AFAP1L2: variants seen among roughly 807,000 people sequenced by gnomAD.
The protein encoded by AFAP1L2 is actin filament-associated protein 1-like 2.
A neutral mutation model predicts 99.3 loss-of-function variants in AFAP1L2; 46 were observed. The ratio of observed to expected loss-of-function variants is 0.46; its 90% confidence interval spans 0.37 to 0.59. The LOEUF is 0.59. Among genes scored for constraint, AFAP1L2 ranks in the 20% least tolerant of loss-of-function variants. AFAP1L2 has a pLI of 0.00. For missense variants in AFAP1L2, 959 were observed against 1,034.9 expected (o/e 0.93, Z 1.01); for synonymous variants, 397 against 419.1 (o/e 0.95, Z 0.64).
At chr10:114,300,825 GCCACTGGCTGAGTCCT>G in intron 13 of AFAP1L2, 135 bp from the exon 14 acceptor site, 1 of 1,238,302 alleles carries the variant, frequency 8.1e-7, no homozygotes, top group Non-Finnish European at 1.1e-6. Flanking sequence ...TGCTGGGGGG[GCCACTGGCTGAGTCCT>G]AGATATGTCA....
intron 1 of AFAP1L2, among the ~76,000 whole-genome samples, chr10:114,355,951 T>C (rs2051310384): frequency 1.3e-5 from 2 of 152,032 alleles, no homozygotes; most frequent in Non-Finnish European, 2.9e-5. Context: ...CTAGCCTGGG[T>C]AATAGAGTGA....
rs144663048 is a variant in AFAP1L2 at position 114,304,776 on chromosome 10, G to C, written c.1227C>G (p.Pro409=). 4 of 1,612,884 alleles carry C rather than the reference G, an allele frequency of 2.5e-6. No homozygotes were observed. The highest frequency in any genetic ancestry group is 3.4e-6 in the Non-Finnish European group (4 of 1,180,018). Residue 409 remains proline (P), a synonymous_variant, in exon 11 of 19, where the codon CCC becomes CCG. Transcript: ENST00000304129. ...VGCEVVPDPS[P]DHLYSFRILH... is the part of the protein sequence containing the mutation. ...GGATGCGGAAGGAGTAGAGGTGGTC[G>C]GGGCTGGGGTCTGGGACCACCTCGC...
chr10:114,394,396 C>T (rs1210913566), intron 1 of AFAP1L2, among the ~76,000 whole-genome samples: 1 of 152,144 alleles, frequency 6.6e-6, no homozygotes, highest in Admixed American at 6.5e-5. Context: ...ATTCAAGCCA[C>T]GGCTATTTGA....
the AFAP1L2 span, among the ~76,000 whole-genome samples, chr10:114,286,951 C>T: frequency 1.4e-4 from 22 of 152,202 alleles, no homozygotes; most frequent in Non-Finnish European, 1.5e-5. Context: ...CATACACACA[C>T]GGATGCATGT....
At chr10:114,289,589 A>G in the AFAP1L2 span, 7 of 1,394,614 alleles carry the variant, frequency 5.0e-6, no homozygotes, top group Non-Finnish European at 7.0e-6. Context: ...CTTCCCAGCT[A>G]CTGAGCACTT....
At chr10:114,313,355 T>C (rs1387312209) in intron 7 of AFAP1L2, among the ~76,000 whole-genome samples, 1 of 152,112 alleles carries the variant, frequency 6.6e-6, no homozygotes, top group Non-Finnish European at 1.5e-5. Flanking sequence ...GTGGGCCACG[T>C]GCATTCGTGG....
intron 1 of AFAP1L2, among the ~76,000 whole-genome samples, chr10:114,371,327 C>G (rs982378447): frequency 5.9e-5 from 9 of 152,098 alleles, no homozygotes; most frequent in Non-Finnish European, 1.2e-4. Flanking sequence ...GGTCACCATC[C>G]TGGAAAGAAG....
At chr10:114,286,277 C>T in the AFAP1L2 span, 612 of 1,610,374 alleles carry the variant, frequency 3.8e-4, 2 homozygotes, top group South Asian at 2.7e-3. Context: ...GGACCGGCCA[C>T]GTAGAGTGGT....
At chr10:114,289,334 G>A in the AFAP1L2 span, 2 of 1,614,260 alleles carry the variant, frequency 1.2e-6, no homozygotes, top group African/African-American at 1.3e-5. Context: ...CAGAAGCTGA[G>A]GAACAATGGC....
chr10:114,329,419 C>T (rs1157903156), intron 4 of AFAP1L2, among the ~76,000 whole-genome samples: 3 of 152,204 alleles, frequency 2.0e-5, no homozygotes, highest in Admixed American at 6.5e-5. Flanking sequence ...ACACAGTACG[C>T]GGTGCTCATG....
intron 1 of AFAP1L2, among the ~76,000 whole-genome samples, chr10:114,399,910 A>G (rs2058079793): frequency 6.6e-6 from 1 of 152,196 alleles, no homozygotes; most frequent in Non-Finnish European, 1.5e-5. Flanking sequence ...TCGAAGAACC[A>G]TTGGAAAGTC....
intron 1 of AFAP1L2, among the ~76,000 whole-genome samples, chr10:114,355,089 A>C (rs1415743064): frequency 6.6e-6 from 1 of 152,182 alleles, no homozygotes; most frequent in Non-Finnish European, 1.5e-5. Flanking sequence ...ATCCTGGATA[A>C]ACCATGGCCA....
intron 1 of AFAP1L2, among the ~76,000 whole-genome samples, chr10:114,349,143 C>T (rs1277535944): frequency 2.6e-5 from 4 of 151,892 alleles, no homozygotes; most frequent in South Asian, 2.1e-4. Context: ...TTTGGGAGGC[C>T]GAGGTGGATG....
the AFAP1L2 span, among the ~76,000 whole-genome samples, chr10:114,281,514 TG>T: frequency 6.6e-6 from 1 of 152,238 alleles, no homozygotes; most frequent in Non-Finnish European, 1.5e-5. Context: ...TTCAGGTAGC[TG>T]TGGTTCATGG....
the AFAP1L2 span, chr10:114,289,237 G>A: frequency 1.5e-5 from 25 of 1,613,788 alleles, no homozygotes; most frequent in South Asian, 5.5e-5. Context: ...AGTGATGACC[G>A]TCCAGAGGGG....
At chr10:114,305,514 AGGGGG>A (rs2042101945) in intron 10 of AFAP1L2, among the ~76,000 whole-genome samples, 3 of 48,434 alleles carry the variant, frequency 6.2e-5, no homozygotes, top group Non-Finnish European at 1.2e-4. Context: ...GAGATGCAGG[AGGGGG>A]TGCAGGTACA....
the AFAP1L2 span, chr10:114,281,188 T>C: frequency 6.6e-6 from 1 of 152,270 alleles, no homozygotes; most frequent in Non-Finnish European, 1.5e-5. Flanking sequence ...AGAAGCCTTA[T>C]TTGGAGAACT....
chr10:114,311,449 C>T (rs116948173), intron 7 of AFAP1L2, among the ~76,000 whole-genome samples: 29 of 152,300 alleles, frequency 1.9e-4, no homozygotes, highest in Non-Finnish European at 3.7e-4. Flanking sequence ...AACTCCAGTT[C>T]GGGACTGTGG....
the AFAP1L2 span, among the ~76,000 whole-genome samples, chr10:114,285,427 T>G: frequency 3.9e-5 from 6 of 152,256 alleles, no homozygotes; most frequent in African/African-American, 1.4e-4. Context: ...TGCAAAGTGC[T>G]TAGTACCATG....
Sources: gnomAD v4.1 joint callset for allele counts (sites outside exome capture counted in the v4.1 genomes callset) on GRCh38, gnomAD v4.1.1 for gene constraint, MANE v1.5 for transcripts, NCBI Gene and HGNC (gene_info 2026-07-23, HGNC 2026-07-21) for gene names.